Variants in MAGI2 observed in about 807,000 individuals in gnomAD.
MAGI2 encodes the protein membrane-associated guanylate kinase, WW and PDZ domain-containing protein 2.
In MAGI2, 35 loss-of-function variants were observed where a neutral mutation model predicts 133.3. That is an observed-to-expected ratio of 0.26 (90% CI 0.20 to 0.35). The LOEUF (loss-of-function observed/expected upper bound fraction) is 0.35, where lower values mean the gene tolerates loss of function less well. Among genes scored for constraint, MAGI2 ranks in the 10% least tolerant of loss-of-function variants. The probability of loss-of-function intolerance (pLI) is 1.00; values close to 1 mark genes in which losing one functional copy is unlikely to be tolerated. For synonymous variants in MAGI2, 729 were observed against 710.6 expected, an observed-to-expected ratio of 1.03 and a Z score of -0.41; for missense variants, 1,636 against 1,863.4, an observed-to-expected ratio of 0.88 and a Z score of 2.25.
At chr7:78,820,636 A>G (rs1033590743) in intron 2 of MAGI2, among the ~76,000 whole-genome samples, 8 of 151,998 alleles carry the variant, frequency 5.3e-5, no homozygotes, top group Admixed American at 5.2e-4. Flanking sequence ...AATGAATAAA[A>G]CAAAGAATAA....
chr7:78,449,019 C>G (rs1463388290), intron 6 of MAGI2, among the ~76,000 whole-genome samples: 1 of 152,056 alleles, frequency 6.6e-6, no homozygotes, highest in Non-Finnish European at 1.5e-5. Flanking sequence ...TAAAAACAGT[C>G]ACTCAATCTG....
intron 3 of MAGI2, among the ~76,000 whole-genome samples, chr7:78,587,086 G>A (rs1011048996): frequency 6.6e-6 from 1 of 152,056 alleles, no homozygotes. Flanking sequence ...ATTTTTTTGG[G>A]TATATACCCA....
intron 21 of MAGI2, among the ~76,000 whole-genome samples, chr7:78,033,640 T>C (rs1809852251): frequency 6.6e-6 from 1 of 151,456 alleles, no homozygotes; most frequent in Non-Finnish European, 1.5e-5. Flanking sequence ...TGCTGTGGAG[T>C]GGGTGGGAAG....
intron 6 of MAGI2, among the ~76,000 whole-genome samples, chr7:78,426,558 T>A (rs1799298138): frequency 6.6e-6 from 1 of 152,082 alleles, no homozygotes; most frequent in Admixed American, 6.6e-5. Flanking sequence ...TATACATATG[T>A]AACTAACCTG....
intron 2 of MAGI2, among the ~76,000 whole-genome samples, chr7:78,700,001 T>C (rs1817903906): frequency 6.6e-6 from 1 of 152,132 alleles, no homozygotes; most frequent in African/African-American, 2.4e-5. Flanking sequence ...TTTAGTTAAA[T>C]AGAAATTATG....
At chr7:79,230,077 A>G (rs933841508) in intron 1 of MAGI2, among the ~76,000 whole-genome samples, 3 of 151,064 alleles carry the variant, frequency 2.0e-5, no homozygotes, top group Non-Finnish European at 4.4e-5. Context: ...TTTACTGAGA[A>G]TGATGATTTC....
Position 78,625,211 on chromosome 7 carries a change from T to C in MAGI2, c.538+1909A>G, listed in dbSNP as rs574429182. Among the ~76,000 whole-genome samples, 135 of 152,124 alleles carry C rather than the reference T, an allele frequency of 8.9e-4. 1 individual carries two copies. The highest frequency in any genetic ancestry group is 3.2e-3 in the African/African-American group (134 of 41,516). On this transcript the variant is annotated intron_variant, in intron 3 of 21. Coordinates refer to ENST00000354212, the MANE Select transcript of MAGI2 (RefSeq NM_012301.4). ...ATTCATTTAAAAATACTATAAAATT[T>C]GACATCGAGAGATAAAAAAAGAACC...
At chr7:78,682,263 G>A (rs1278209583) in intron 2 of MAGI2, among the ~76,000 whole-genome samples, 3 of 152,106 alleles carry the variant, frequency 2.0e-5, no homozygotes, top group Admixed American at 2.0e-4. Flanking sequence ...TGGGATACAT[G>A]TGTAGGATGT....
intron 2 of MAGI2, among the ~76,000 whole-genome samples, chr7:78,659,158 C>T (rs1246931703): frequency 6.6e-6 from 1 of 151,884 alleles, no homozygotes; most frequent in African/African-American, 2.4e-5. Flanking sequence ...CTATTAAAAA[C>T]CTGTAAGAAT....
intron 3 of MAGI2, among the ~76,000 whole-genome samples, chr7:78,540,901 G>C (rs889668906): frequency 6.6e-6 from 1 of 152,216 alleles, no homozygotes; most frequent in Non-Finnish European, 1.5e-5. Context: ...TGTGTTTGGA[G>C]GCAGACTTTT....
chr7:78,477,860 G>A (rs1170794053), intron 6 of MAGI2, among the ~76,000 whole-genome samples: 2 of 151,836 alleles, frequency 1.3e-5, no homozygotes, highest in African/African-American at 4.8e-5. Flanking sequence ...GGAAAACACT[G>A]AGAATATTTG....
chr7:78,175,880 A>G (rs1826546859), intron 14 of MAGI2, among the ~76,000 whole-genome samples: 1 of 152,230 alleles, frequency 6.6e-6, no homozygotes, highest in South Asian at 2.1e-4. Context: ...TTAAAACAAA[A>G]TCGGCAGACA....
intron 9 of MAGI2, among the ~76,000 whole-genome samples, chr7:78,291,362 C>G (rs1159425398): frequency 6.6e-6 from 1 of 152,142 alleles, no homozygotes; most frequent in Non-Finnish European, 1.5e-5. Context: ...GACACATACA[C>G]CATCCTAAGA....
At chr7:79,367,107 C>T (rs948810885) in intron 1 of MAGI2, among the ~76,000 whole-genome samples, 1 of 152,260 alleles carries the variant, frequency 6.6e-6, no homozygotes, top group South Asian at 2.1e-4. Context: ...CAAAAAAGAG[C>T]GTAATGGGAA....
chr7:78,185,689 A>T lies in MAGI2; in HGVS notation c.2270-19T>A. 3 of 1,549,162 alleles carry T rather than the reference A, an allele frequency of 1.9e-6. No homozygotes were observed. Among genetic ancestry groups the T allele is most frequent in the Non-Finnish European group, 2.6e-6 (3 of 1,139,166 alleles). On this transcript the variant is annotated intron_variant, in intron 12 of 21. Transcript: ENST00000354212. Reference sequence around the variant, plus strand: ...ACTTGTTCTGGATGGGAAAATGGGGAATTAAAGTTGAAATTCATTTATGGC... The same window carrying T: ...ACTTGTTCTGGATGGGAAAATGGGGTATTAAAGTTGAAATTCATTTATGGC...
At chr7:79,016,494 T>C (rs1808748584) in intron 1 of MAGI2, among the ~76,000 whole-genome samples, 2 of 152,220 alleles carry the variant, frequency 1.3e-5, no homozygotes, top group African/African-American at 4.8e-5. Context: ...AGAGTGTCCC[T>C]GCAAACATGC....
chr7:79,356,066 C>T (rs1841998847), intron 1 of MAGI2, among the ~76,000 whole-genome samples: 1 of 152,228 alleles, frequency 6.6e-6, no homozygotes. Context: ...CAGCATCCAT[C>T]TTGCTTAAAG....
chr7:79,410,743 A>G (rs1335856799), intron 1 of MAGI2: 1 of 152,188 alleles, frequency 6.6e-6, no homozygotes, highest in African/African-American at 2.4e-5. Context: ...TCTGTAAAAA[A>G]ATTACTTTCC....
At chr7:78,210,499 G>T (rs556526696) in intron 10 of MAGI2, among the ~76,000 whole-genome samples, 20 of 152,298 alleles carry the variant, frequency 1.3e-4, no homozygotes, top group African/African-American at 4.1e-4. Flanking sequence ...GGAGTCTCAT[G>T]AGTTAGATTA....
Sources: gnomAD v4.1 joint callset for allele counts (sites outside exome capture counted in the v4.1 genomes callset) on GRCh38, gnomAD v4.1.1 for gene constraint, MANE v1.5 for transcripts, NCBI Gene and HGNC (gene_info 2026-07-23, HGNC 2026-07-21) for gene names.